The following SYT16 variants were observed in gnomAD, a reference collection of about 807,000 sequenced individuals.
SYT16 encodes synaptotagmin 16, also known as synaptotagmin-16.
A neutral mutation model predicts 61.4 loss-of-function variants in SYT16; 42 were observed. The ratio of observed to expected loss-of-function variants is 0.68; its 90% CI spans 0.53 to 0.89. SYT16 has a LOEUF of 0.89. Among genes scored for constraint, SYT16 ranks in the 40% least tolerant of loss-of-function variants. The probability of loss-of-function intolerance (pLI) is 0.00; values close to 1 mark genes in which losing one functional copy is unlikely to be tolerated. For synonymous variants in SYT16, 314 were observed against 302.3 expected (o/e 1.04, Z -0.40); for missense variants, 804 against 807.3 (o/e 1.00, Z 0.05).
At chr14:61,988,992 T>TG (rs2140596035) in intron 2 of SYT16, among the ~76,000 whole-genome samples, 1 of 152,244 alleles carries the variant, frequency 6.6e-6, no homozygotes, top group East Asian at 1.9e-4. Context: ...CATATAAACC[T>TG]GGGGCAAGTC....
At chr14:62,060,968 T>C (rs1340410836) in intron 3 of SYT16, among the ~76,000 whole-genome samples, 2 of 152,080 alleles carry the variant, frequency 1.3e-5, no homozygotes, top group Non-Finnish European at 2.9e-5. Context: ...CATGTCATTA[T>C]GATCAACTGT....
At chr14:61,936,657 G>A (rs902065991) in intron 1 of SYT16, among the ~76,000 whole-genome samples, 9 of 151,956 alleles carry the variant, frequency 5.9e-5, no homozygotes, top group South Asian at 2.1e-4. Context: ...CACATCCCCC[G>A]GACTTTCTCT....
intron 1 of SYT16, among the ~76,000 whole-genome samples, chr14:61,853,888 TATTC>T (rs763336400): frequency 1.3e-5 from 2 of 152,184 alleles, no homozygotes; most frequent in African/African-American, 4.8e-5. Flanking sequence ...ATGGACATCT[TATTC>T]ATCAAGGACA....
At chr14:61,857,467 A>G (rs1351880800) in intron 1 of SYT16, among the ~76,000 whole-genome samples, 1 of 152,228 alleles carries the variant, frequency 6.6e-6, no homozygotes, top group Non-Finnish European at 1.5e-5. Context: ...GAAGATTGAC[A>G]GTTGACTGCC....
At chr14:62,043,647 T>C (rs1276606009) in intron 3 of SYT16, among the ~76,000 whole-genome samples, 2 of 152,128 alleles carry the variant, frequency 1.3e-5, no homozygotes, top group Admixed American at 6.5e-5. Flanking sequence ...GACTTCGTGA[T>C]CCACCTGCCT....
At chr14:62,017,894 T>C (rs1481952571) in intron 3 of SYT16, among the ~76,000 whole-genome samples, 1 of 152,126 alleles carries the variant, frequency 6.6e-6, no homozygotes, top group Non-Finnish European at 1.5e-5. Context: ...TTTTCATTTG[T>C]TTGTAGAGAC....
intron 1 of SYT16, among the ~76,000 whole-genome samples, chr14:61,888,227 C>T (rs552266051): frequency 6.6e-6 from 1 of 151,398 alleles, no homozygotes; most frequent in East Asian, 1.9e-4. Flanking sequence ...TAACGATTCT[C>T]CTGCCTCAGC....
At position 61,894,272 on chromosome 14, in the gene SYT16, C is replaced by G. The variant is rs558932693; in HGVS notation, c.-324-75860C>G. On this transcript the variant is annotated intron_variant, in intron 1 of 7. Coordinates refer to ENST00000683842, the MANE Select transcript of SYT16 (RefSeq NM_001367656.1). ...TGCACTCCGGCCTGGGCAACAAGAACGAAACTCTGTCTCGAAATTAAAAAA... is the reference window on the plus strand; with the variant it reads ...TGCACTCCGGCCTGGGCAACAAGAAGGAAACTCTGTCTCGAAATTAAAAAA... Among the ~76,000 whole-genome samples, 8 of 147,594 alleles carry G rather than the reference C, an allele frequency of 5.4e-5. No homozygotes were observed. In the East Asian group the frequency reaches 1.4e-3, roughly 25 times the overall value.
chr14:61,835,740 C>T (rs2046107987), intron 1 of SYT16, among the ~76,000 whole-genome samples: 1 of 151,996 alleles, frequency 6.6e-6, no homozygotes, highest in African/African-American at 2.4e-5. Context: ...TTGATGTTGC[C>T]AAATTTCCCT....
intron 1 of SYT16, among the ~76,000 whole-genome samples, chr14:61,840,157 A>T (rs1317427685): frequency 6.6e-6 from 1 of 152,208 alleles, no homozygotes; most frequent in Non-Finnish European, 1.5e-5. Flanking sequence ...AACTGGTGGG[A>T]TGAAAATCAC....
At position 62,029,487 on chromosome 14, in the gene SYT16, A is replaced by C. The variant is rs139438946; in HGVS notation, c.523+32945A>C. On this transcript the variant is annotated intron_variant, in intron 3 of 7. Coordinates refer to ENST00000683842, the MANE Select transcript of SYT16 (RefSeq NM_001367656.1). Reference sequence around the variant, plus strand: ...TTTCTGTTGATTGTGAAGACTCTTGATGAGTGTATGGAGATCATTTGGAAC... The same window carrying C: ...TTTCTGTTGATTGTGAAGACTCTTGCTGAGTGTATGGAGATCATTTGGAAC... 1.8e-4 allele frequency among the ~76,000 whole-genome samples: 28 copies of C among 152,266 alleles called. No homozygotes were observed. The East Asian group carries it at 5.4e-3, about 29-fold the overall frequency.
rs1427518362 is a variant in SYT16, at chr14:61,834,427, G to C, written c.-325+21617G>C. On this transcript the variant is annotated intron_variant, in intron 1 of 7. Transcript: ENST00000683842. ...TTACAGGCATGAGCCACCGTGCCTG[G>C]CTTTTTTTTTTTTTTTTTTTTTTTT... 4.0e-5 allele frequency among the ~76,000 whole-genome samples: 5 copies of C among 124,988 alleles called. No individual in the cohort carries two copies. The East Asian group carries it at 8.4e-4, about 21-fold the overall frequency. The allele number at this position is 124,988 out of a possible 152,430, so 82.0% of individuals were successfully genotyped here.
Position 62,075,357 on chromosome 14 carries a change from A to G in SYT16, c.959A>G (p.Tyr320Cys), listed in dbSNP as rs746597805. The G allele has an allele frequency of 1.4e-5, 22 of 1,613,454 alleles. No homozygotes were observed. The African/African-American group carries it at 2.0e-4, about 15-fold the overall frequency. Residue 320 changes from tyrosine to cysteine, a missense_variant, in exon 5 of 8, where the codon TAT (tyrosine) becomes TGT (cysteine). By Grantham distance (194) the Tyr-to-Cys change is radical (BLOSUM62 -2). Transcript: ENST00000683842. ...AATAGCCGGGGATTTGAAGATTCCT[A>G]TGCCACTGACAGCTCCTCCATGTGG... is the stretch of plus-strand genomic sequence containing the variant. Reference protein sequence around the residue: ...AFNSRGFEDSYATDSSSMWSP... With the variant: ...AFNSRGFEDSCATDSSSMWSP...
intron 1 of SYT16, among the ~76,000 whole-genome samples, chr14:61,864,678 C>T (rs919671076): frequency 6.6e-6 from 1 of 152,254 alleles, no homozygotes; most frequent in African/African-American, 2.4e-5. Flanking sequence ...ATGCCGGTCC[C>T]TACCCTAGAC....
At chr14:61,834,348 T>A (rs2046053698) in intron 1 of SYT16, among the ~76,000 whole-genome samples, 2 of 151,088 alleles carry the variant, frequency 1.3e-5, no homozygotes, top group Non-Finnish European at 2.9e-5. Context: ...GCCAGGTTGG[T>A]CTTAGACTCT....
At chr14:62,030,559 C>T (rs1424066265) in intron 3 of SYT16, among the ~76,000 whole-genome samples, 2 of 152,194 alleles carry the variant, frequency 1.3e-5, no homozygotes, top group Non-Finnish European at 1.5e-5. Context: ...TTGTTTATTA[C>T]TCTCACTTTC....
chr14:62,013,150 C>A (rs990503020), intron 3 of SYT16, among the ~76,000 whole-genome samples: 1 of 152,014 alleles, frequency 6.6e-6, no homozygotes, highest in Non-Finnish European at 1.5e-5. Context: ...GAGGTATATC[C>A]AGAGTGGTGG....
intron 3 of SYT16, among the ~76,000 whole-genome samples, chr14:62,050,952 C>T (rs769200060): frequency 3.3e-5 from 5 of 152,210 alleles, no homozygotes; most frequent in South Asian, 2.1e-4. Flanking sequence ...TGTCCGTTCT[C>T]AGATCTCAAG....
At chr14:61,822,927 A>G (rs2045659229) in intron 1 of SYT16, among the ~76,000 whole-genome samples, 1 of 152,160 alleles carries the variant, frequency 6.6e-6, no homozygotes, top group Admixed American at 6.5e-5. Context: ...TACCTTGCCA[A>G]TGTGTGAGGC....
Sources: gnomAD v4.1 joint callset for allele counts (sites outside exome capture counted in the v4.1 genomes callset) on GRCh38, gnomAD v4.1.1 for gene constraint, MANE v1.5 for transcripts, NCBI Gene and HGNC (gene_info 2026-07-23, HGNC 2026-07-21) for gene names.